IFT140: variants seen among roughly 807,000 people sequenced by gnomAD.
The protein encoded by IFT140 is intraflagellar transport 140.
A neutral mutation model predicts 164.6 loss-of-function variants in IFT140; 133 were observed. That is an observed-to-expected ratio of 0.81 (90% CI 0.70 to 0.93). IFT140 has a LOEUF of 0.93. Among genes scored for constraint, IFT140 ranks in the 40% least tolerant of loss-of-function variants. The pLI, the probability that IFT140 is intolerant of heterozygous loss-of-function variation, is 0.00. For missense variants in IFT140, 2,045 were observed against 1,972.3 expected (o/e 1.04, Z -0.70); for synonymous variants, 860 against 817.3 (o/e 1.05, Z -0.89).
chr16:1,591,977 C>T lies in IFT140; in HGVS notation c.634+199G>A, dbSNP rs79509941. On this transcript the variant is annotated intron_variant, in intron 6 of 30. Coordinates refer to ENST00000426508, the MANE Select transcript of IFT140 (RefSeq NM_014714.4). ...ACTCAACTTGTCTATCAGAACAAAG[C>T]GAGGGCAACATTTCAACACTGGATG... 0.022 allele frequency among the ~76,000 whole-genome samples: 3,379 copies of T among 152,332 alleles called. 125 individuals carry two copies. The highest frequency in any genetic ancestry group is 0.076 in the African/African-American group (3,166 of 41,566).
chr16:1,552,100 A>G (rs1220809877), intron 19 of IFT140, among the ~76,000 whole-genome samples: 1 of 152,140 alleles, frequency 6.6e-6, no homozygotes, highest in Non-Finnish European at 1.5e-5. Context: ...ATTCGGATGA[A>G]TGATGTGTGG....
Position 1,511,018 on chromosome 16 carries a change from C to A in IFT140, c.4315G>T (p.Val1439Phe). 6.2e-7 allele frequency: 1 copy of A among 1,607,932 alleles called. No homozygotes were observed. Among genetic ancestry groups the A allele is most frequent in the Non-Finnish European group, 8.5e-7 (1 of 1,176,808 alleles). Residue 1439 changes from valine (V) to phenylalanine (F), a missense_variant, in exon 31 of 31, where the codon GTC becomes TTC. Physicochemically the swap from Val to Phe is conservative, Grantham distance 50 (BLOSUM62 -1). Transcript: ENST00000426508. The part of the protein sequence containing the change: ...LPLPRTVPEQ[V>F]RHNSMEDARE... ...GCGTCCTCCATGCTGTTGTGGCGGA[C>A]CTGCTCGGGGACGGTGCGTGGCAGT...
At chr16:1,539,858 C>T (rs550188963) in intron 19 of IFT140, among the ~76,000 whole-genome samples, 2 of 152,286 alleles carry the variant, frequency 1.3e-5, no homozygotes, top group East Asian at 1.9e-4. Flanking sequence ...CTCAGCAGCC[C>T]GGGGACCCCG....
At chr16:1,606,739 C>A (rs1463684012) in intron 3 of IFT140, among the ~76,000 whole-genome samples, 2 of 152,142 alleles carry the variant, frequency 1.3e-5, no homozygotes, top group East Asian at 1.9e-4. Flanking sequence ...GGATTACAGG[C>A]GTGAGCCACT....
At chr16:1,534,160 C>T (rs1024256757) in intron 19 of IFT140, 101 of 1,373,964 alleles carry the variant, frequency 7.4e-5, no homozygotes, top group Non-Finnish European at 9.1e-5. Context: ...CGCGCCGCCC[C>T]GAGGATGAGT....
chr16:1,583,901 C>T (rs1222346689), intron 11 of IFT140, among the ~76,000 whole-genome samples: 11 of 152,068 alleles, frequency 7.2e-5, no homozygotes, highest in Admixed American at 4.6e-4. Context: ...TACACCCCGA[C>T]GCCTGGCTAA....
chr16:1,538,435 G>A (rs2031297453), intron 19 of IFT140, among the ~76,000 whole-genome samples: 1 of 152,208 alleles, frequency 6.6e-6, no homozygotes, highest in Non-Finnish European at 1.5e-5. Context: ...ACGTGCAGCT[G>A]TGCCTGGTGC....
Position 1,525,265 on chromosome 16 carries a change from A to G in IFT140, c.2830T>C (p.Ser944Pro), listed in dbSNP as rs770052453. 6.8e-6 allele frequency: 11 copies of G among 1,612,820 alleles called. No individual in the cohort carries two copies. Among genetic ancestry groups the G allele is most frequent in the Non-Finnish European group, 9.3e-6 (11 of 1,179,894 alleles). ...ATTTTATTCACGTAGAGCTCCAGGGACGGCAGGTCCTCCGACAGCATCCTG... is the reference window on the plus strand; with the variant it reads ...ATTTTATTCACGTAGAGCTCCAGGGGCGGCAGGTCCTCCGACAGCATCCTG... ...VPRMLSEDLP[S>P]LELYVNKMKD... is the part of the protein sequence containing the mutation. Residue 944 changes from serine (S) to proline (P), a missense_variant, in exon 22 of 31, where the codon TCC becomes CCC. Ser to Pro is a moderately conservative substitution (Grantham distance 74). Transcript: ENST00000426508.
Position 1,602,591 on chromosome 16 carries a change from C to T in IFT140, c.148G>A (p.Gly50Arg). ...TGSVDIYLEQ[G>R]ECVPDTHVER... ...ACGTGTGTATCTGGCACGCACTCCC[C>T]CTGCATTGGATGAGAGGCAAATTCC... The change falls in exon 4 of 31, where the codon GGG becomes AGG. Residue 50 changes from glycine (G) to arginine (R), a missense_variant and splice_region_variant. By Grantham distance (125) the Gly-to-Arg change is moderately radical. Coordinates refer to ENST00000426508, the MANE Select transcript of IFT140 (RefSeq NM_014714.4). 1 of 1,610,400 alleles carries T rather than the reference C, an allele frequency of 6.2e-7. No homozygotes were observed. The highest frequency in any genetic ancestry group is 8.5e-7 in the Non-Finnish European group (1 of 1,179,880).
In IFT140 at chr16:1,537,309, G is replaced by A. The variant is rs188079235; in HGVS notation, c.2400-10513C>T. On this transcript the variant is annotated intron_variant, in intron 19 of 30. Coordinates refer to ENST00000426508, the MANE Select transcript of IFT140 (RefSeq NM_014714.4). The stretch of plus-strand genomic sequence containing the variant: ...GTTTCCGGATGTCGCTGAGGCCCGC[G>A]TGGATGTCTCCGGACGGCTCTGTGC... Among the ~76,000 whole-genome samples, 7 of 152,364 alleles carry A rather than the reference G, an allele frequency of 4.6e-5. No individual in the cohort carries two copies. In the East Asian group the frequency reaches 1.4e-3, roughly 29 times the overall value.
intron 17 of IFT140, among the ~76,000 whole-genome samples, chr16:1,563,185 T>G (rs1353412526): frequency 6.6e-6 from 1 of 151,940 alleles, no homozygotes; most frequent in Non-Finnish European, 1.5e-5. Context: ...TGTCTTCCCC[T>G]CCCTGCTCTG....
At chr16:1,580,062 T>A (rs774677209) in intron 13 of IFT140, 5 of 151,968 alleles carry the variant, frequency 3.3e-5, no homozygotes, top group Non-Finnish European at 4.4e-5. Context: ...TGTCCTGAAC[T>A]GGAGCCACCC....
chr16:1,600,846 A>G (rs1432027208), intron 4 of IFT140, among the ~76,000 whole-genome samples: 1 of 152,160 alleles, frequency 6.6e-6, no homozygotes, highest in Non-Finnish European at 1.5e-5. Context: ...GTGAGAGTCT[A>G]TAAAACAACC....
intron 19 of IFT140, among the ~76,000 whole-genome samples, chr16:1,548,548 T>A (rs779353281): frequency 6.6e-6 from 1 of 152,240 alleles, no homozygotes; most frequent in Non-Finnish European, 1.5e-5. Context: ...TCCCTTACAT[T>A]TGTTTCTAGA....
chr16:1,577,774 G>C (rs1362576985), intron 13 of IFT140: 1 of 152,132 alleles, frequency 6.6e-6, no homozygotes, highest in African/African-American at 2.4e-5. Flanking sequence ...AGAATTGCTC[G>C]AGTCCCAGAG....
At chr16:1,556,779 A>G (rs1225667357) in intron 19 of IFT140, among the ~76,000 whole-genome samples, 1 of 152,116 alleles carries the variant, frequency 6.6e-6, no homozygotes, top group Non-Finnish European at 1.5e-5. Flanking sequence ...GAATTTTTAA[A>G]CCAGAGCAGG....
chr16:1,567,715 A>G (rs2033795385), intron 15 of IFT140, among the ~76,000 whole-genome samples: 1 of 152,146 alleles, frequency 6.6e-6, no homozygotes, highest in South Asian at 2.1e-4. Context: ...GGAACCAGGG[A>G]AGGAACCAAC....
chr16:1,555,571 C>T (rs2033025096), intron 19 of IFT140: 1 of 155,824 alleles, frequency 6.4e-6, no homozygotes, highest in African/African-American at 2.4e-5. Flanking sequence ...CCTCTGAACT[C>T]TGTCTATAAC....
intron 13 of IFT140, among the ~76,000 whole-genome samples, chr16:1,576,415 C>T (rs1396193327): frequency 6.6e-6 from 1 of 150,484 alleles, no homozygotes; most frequent in Non-Finnish European, 1.5e-5. Context: ...CACGGTGAAA[C>T]CCTGTCTCTA....
Sources: allele counts gnomAD v4.1 joint callset (sites outside exome capture counted in the v4.1 genomes callset), GRCh38; gene constraint gnomAD v4.1.1; transcripts MANE v1.5; gene names NCBI Gene and HGNC (gene_info 2026-07-23, HGNC 2026-07-21).